Variants in TMPRSS11F observed in about 807,000 individuals in gnomAD.
The protein encoded by TMPRSS11F is transmembrane serine protease 11F, also known as transmembrane protease serine 11F.
Under a neutral mutation model 60.2 loss-of-function variants are expected in TMPRSS11F, and 47 were observed. That is an observed-to-expected ratio of 0.78 (90% CI 0.62 to 1.00). TMPRSS11F has a LOEUF of 1.00. TMPRSS11F is among the 50% of genes least tolerant of loss of function. TMPRSS11F has a pLI of 0.00. For synonymous variants in TMPRSS11F, 166 were observed against 167.3 expected, an observed-to-expected ratio of 0.99 and a Z score of 0.06; for missense variants, 519 against 522.9, an observed-to-expected ratio of 0.99 and a Z score of 0.07.
chr4:68,064,663 A>C (rs752098869), intron 8 of TMPRSS11F, 22 bp downstream of exon 8: 1 of 1,607,548 alleles, frequency 6.2e-7, no homozygotes, highest in East Asian at 2.2e-5. Context: ...TGTGCTAAGA[A>C]AATTAGGTTG....
Position 68,072,354 on chromosome 4 carries a change from C to T in TMPRSS11F, c.483G>A (p.Leu161=). Residue 161 remains leucine, a synonymous_variant, in exon 5 of 10, where the codon TTG becomes TTA. Transcript: ENST00000356291. ...GTCTAAATGATGGTTTGTTTATGGT[C>T]AAAGACAATTGTTTGGTCTTCAAAC... ...YQSLKTKQLS[L]TINKPSFRLT... The T allele has an allele frequency of 1.2e-6, 2 of 1,600,496 alleles. No homozygotes were observed. Among genetic ancestry groups the T allele is most frequent in the Non-Finnish European group, 1.7e-6 (2 of 1,172,932 alleles).
At chr4:68,074,051 G>T in intron 3 of TMPRSS11F, 42 bp from the exon 4 acceptor site, 1 of 1,204,722 alleles carries the variant, frequency 8.3e-7, no homozygotes, top group Non-Finnish European at 1.1e-6. Flanking sequence ...GAACTTAAAA[G>T]TAAAATAAAA....
At chr4:68,117,696 G>T (rs1724555421) in intron 1 of TMPRSS11F, among the ~76,000 whole-genome samples, 1 of 152,132 alleles carries the variant, frequency 6.6e-6, no homozygotes, top group Admixed American at 6.5e-5. Flanking sequence ...TTGGGCTAGG[G>T]TTGGCTCCAA....
chr4:68,122,284 A>T (rs1724637993), intron 1 of TMPRSS11F, among the ~76,000 whole-genome samples: 1 of 152,156 alleles, frequency 6.6e-6, no homozygotes, highest in Non-Finnish European at 1.5e-5. Context: ...TCATATTCTG[A>T]TAGACCCTAC....
At chr4:68,072,235 A>ATATCTTACTC (rs1723490457) in intron 5 of TMPRSS11F, 88 bp downstream of exon 5, 1 of 136,620 alleles carries the variant, frequency 7.3e-6, no homozygotes, top group African/African-American at 2.7e-5. Flanking sequence ...AAAAAAATAT[A>ATATCTTACTC]TATATATATA....
chr4:68,057,272 G>A (rs1387274414), intron 9 of TMPRSS11F, among the ~76,000 whole-genome samples: 37 of 137,004 alleles, frequency 2.7e-4, no homozygotes, highest in Middle Eastern at 4.2e-3. Flanking sequence ...GTGACAAAGC[G>A]AGACTGTCTC....
At chr4:68,061,793 C>A (rs1577909903) in intron 8 of TMPRSS11F, 1 of 440,926 alleles carries the variant, frequency 2.3e-6, no homozygotes, top group Non-Finnish European at 4.6e-6. Context: ...CAGAAAGTTA[C>A]GTAGTTCTAC....
rs145412545 is a variant in TMPRSS11F at position 68,064,822 on chromosome 4, T to C, written c.878A>G (p.Asp293Gly). 10 of 1,614,074 alleles carry C rather than the reference T, an allele frequency of 6.2e-6. No individual in the cohort carries two copies. Among genetic ancestry groups the C allele is most frequent in the African/African-American group, 5.3e-5 (4 of 74,944 alleles). Reference sequence around the variant, plus strand: ...AGTAGAGAGCTGAACCAAAGCAATGTCATTTTCATTTGTTTCTCTATGGTA... The same window carrying C: ...AGTAGAGAGCTGAACCAAAGCAATGCCATTTTCATTTGTTTCTCTATGGTA... ...ENYHRETNEN[D>G]IALVQLSTGV... The change falls in exon 8 of 10, where the codon GAC becomes GGC. Residue 293 changes from aspartate to glycine, a missense_variant. Coordinates refer to ENST00000356291, the MANE Select transcript of TMPRSS11F (RefSeq NM_207407.2).
Position 68,075,722 on chromosome 4 carries a change from C to T in TMPRSS11F, c.283-1713G>A, listed in dbSNP as rs182363647. Among the ~76,000 whole-genome samples, 24 of 152,184 alleles carry T rather than the reference C, an allele frequency of 1.6e-4. No individual in the cohort carries two copies. In the East Asian group the frequency reaches 2.5e-3, roughly 16 times the overall value. On this transcript the variant is annotated intron_variant, in intron 3 of 9. Transcript: ENST00000356291. ...AACATAAGAAAGAATAGGCTGGGTGCGGTGGCTCACACCTGTAATCCCAGC... is the reference window on the plus strand; with the variant it reads ...AACATAAGAAAGAATAGGCTGGGTGTGGTGGCTCACACCTGTAATCCCAGC...
rs1347255741 is a variant in TMPRSS11F, at chr4:68,060,351, C to CAAAAAAA, written c.1016-890_1016-884dup. ...TGAAACCCTGTCTCTACTAAAAATA[C>CAAAAAAA]AAAAAAAAAAAAAAATTAGCCAGGC... On this transcript the variant is annotated intron_variant, in intron 8 of 9. Coordinates refer to ENST00000356291, the MANE Select transcript of TMPRSS11F (RefSeq NM_207407.2). Among the ~76,000 whole-genome samples, 9 of 121,562 alleles carry CAAAAAAA rather than the reference C, an allele frequency of 7.4e-5. 1 individual carries two copies. The highest frequency in any genetic ancestry group is 2.7e-4 in the African/African-American group (9 of 33,074). 79.7% of individuals were successfully genotyped at this position (121,562 alleles called of 152,430 possible). A position where few individuals can be genotyped will look rare whatever the true frequency, so the allele number is the denominator to read the frequency against.
intron 9 of TMPRSS11F, among the ~76,000 whole-genome samples, chr4:68,056,068 A>T (rs1723037693): frequency 6.6e-6 from 1 of 152,304 alleles, no homozygotes. Context: ...ATTGGCTTTT[A>T]TTATTAAAGC....
Position 68,074,017 on chromosome 4 carries a change from T to G in TMPRSS11F, c.283-8A>C. 1 of 1,522,500 alleles carries G rather than the reference T, an allele frequency of 6.6e-7. No individual in the cohort carries two copies. The highest frequency in any genetic ancestry group is 2.3e-5 in the East Asian group (1 of 42,688). The allele number at this position is 1,522,500 out of a possible 1,614,324, so 94.3% of individuals were successfully genotyped here. A position where few individuals can be genotyped will look rare whatever the true frequency, so the allele number is the denominator to read the frequency against. Reference sequence around the variant, plus strand: ...TCGAAATATCCTAGACATCTGATTTTTAAAAAATAAGTATTAGTCTTCAGA... The same window carrying G: ...TCGAAATATCCTAGACATCTGATTTGTAAAAAATAAGTATTAGTCTTCAGA... On this transcript the variant is annotated splice_polypyrimidine_tract_variant and splice_region_variant and intron_variant, in intron 3 of 9. Coordinates refer to ENST00000356291, the MANE Select transcript of TMPRSS11F (RefSeq NM_207407.2).
At chr4:68,120,599 G>T (rs981820870) in intron 1 of TMPRSS11F, among the ~76,000 whole-genome samples, 6 of 151,150 alleles carry the variant, frequency 4.0e-5, no homozygotes, top group African/African-American at 1.2e-4. Context: ...CGTTTTAGCC[G>T]GGATGGTCTC....
chr4:68,102,394 A>G (rs1229751953), intron 1 of TMPRSS11F, among the ~76,000 whole-genome samples: 35 of 152,142 alleles, frequency 2.3e-4, no homozygotes, highest in Non-Finnish European at 7.3e-5. Context: ...AGAAACCTCC[A>G]TACTGTTTTT....
chr4:68,088,473 A>G (rs1331946996), intron 3 of TMPRSS11F, among the ~76,000 whole-genome samples: 1 of 151,568 alleles, frequency 6.6e-6, no homozygotes, highest in African/African-American at 2.4e-5. Context: ...TGTCAACATT[A>G]GACAGATCAA....
chr4:68,066,663 C>T (rs1723334374), intron 7 of TMPRSS11F, among the ~76,000 whole-genome samples: 5 of 152,056 alleles, frequency 3.3e-5, no homozygotes, highest in African/African-American at 1.2e-4. Context: ...AGGCCGGGCG[C>T]GGTGGTTCAC....
At position 68,053,858 on chromosome 4, in the gene TMPRSS11F, G is replaced by A. The variant is rs749321408; in HGVS notation, c.*51C>T. On this transcript the variant is annotated 3_prime_UTR_variant, in exon 10 of 10. Transcript: ENST00000356291. ...AATGAATTTAAACAATACAAAATAC[G>A]CAGGAGTATCAGCTCTGTGTGCCAT... is the stretch of plus-strand genomic sequence containing the variant. 50 of 1,516,098 alleles carry A rather than the reference G, an allele frequency of 3.3e-5. No homozygotes were observed. The highest frequency in any genetic ancestry group is 1.7e-4 in the Middle Eastern group (1 of 5,822). The allele number at this position is 1,516,098 out of a possible 1,614,324, so 93.9% of individuals were successfully genotyped here. A position where few individuals can be genotyped will look rare whatever the true frequency, so the allele number is the denominator to read the frequency against.
intron 2 of TMPRSS11F, among the ~76,000 whole-genome samples, chr4:68,091,458 A>G (rs908658789): frequency 6.6e-6 from 1 of 152,106 alleles, no homozygotes; most frequent in Non-Finnish European, 1.5e-5. Flanking sequence ...GATGACTCCT[A>G]AATTCTTTAT....
intron 1 of TMPRSS11F, among the ~76,000 whole-genome samples, chr4:68,102,109 G>A (rs1234168402): frequency 2.0e-5 from 3 of 152,060 alleles, no homozygotes; most frequent in African/African-American, 7.2e-5. Flanking sequence ...ATGTCACTTA[G>A]CTAATATCCT....
Sources: gnomAD v4.1 joint callset for allele counts (sites outside exome capture counted in the v4.1 genomes callset) on GRCh38, gnomAD v4.1.1 for gene constraint, MANE v1.5 for transcripts, NCBI Gene and HGNC (gene_info 2026-07-23, HGNC 2026-07-21) for gene names.